The following COL7A1 variants were observed in gnomAD, a reference collection of about 807,000 sequenced individuals.
The protein encoded by COL7A1 is collagen type VII alpha 1 chain.
COL7A1 carries 296 observed loss-of-function variants against 456.2 expected under a neutral mutation model. The ratio of observed to expected loss-of-function variants is 0.65; its 90% confidence interval spans 0.59 to 0.71. The LOEUF (loss-of-function observed/expected upper bound fraction) is 0.71. COL7A1 is among the 30% of genes least tolerant of loss of function. The pLI is 0.00. For missense variants in COL7A1, 3,441 were observed against 4,017.2 expected (o/e 0.86, Z 3.88); for synonymous variants, 1,464 against 1,525.9 (o/e 0.96, Z 0.95).
At position 48,569,473 on chromosome 3, in the gene COL7A1, G is replaced by A. The variant is rs371404677; in HGVS notation, c.7615-27C>T. On this transcript the variant is annotated intron_variant, in intron 102 of 118. Transcript: ENST00000681320. The surrounding 1 kb of genome is among the most constrained non-coding windows in gnomAD (Gnocchi z 4.9). The stretch of plus-strand genomic sequence containing the variant: ...TGGGTTGGTTTGGGTAAGAAGTCAC[G>A]GTAAGGGGCTGAAGGTCCCTCACCC... 8 of 1,614,068 alleles carry A rather than the reference G, an allele frequency of 5.0e-6. No individual in the cohort carries two copies. The highest frequency in any genetic ancestry group is 1.7e-5 in the Admixed American group (1 of 60,024).
Position 48,590,925 on chromosome 3 carries a change from A to C in COL7A1, c.1637-109T>G. The C allele has an allele frequency of 1.8e-6, 1 of 568,348 alleles. No homozygotes were observed. The highest frequency in any genetic ancestry group is 3.3e-6 in the Non-Finnish European group (1 of 305,366). 35.2% of individuals were successfully genotyped at this position (568,348 alleles called of 1,614,324 possible). A position where few individuals can be genotyped will look rare whatever the true frequency, so the allele number is the denominator to read the frequency against. On this transcript the variant is annotated intron_variant, in intron 13 of 118. Transcript: ENST00000681320. The surrounding 1 kb of genome is among the most constrained non-coding windows in gnomAD (Gnocchi z 4.6). ...AGTGAGAAGGGCCATGGGGGTGGGGATGTGGGGTGGTGGGGACCAGAGAGC... is the reference window on the plus strand; with the variant it reads ...AGTGAGAAGGGCCATGGGGGTGGGGCTGTGGGGTGGTGGGGACCAGAGAGC...
rs746489781 is a variant in COL7A1 at position 48,568,559 on chromosome 3, C to T, written c.7759-25G>A. ...CCTGTGAGAAACACAGATGGGGGAG[C>T]CCTTCAGTGGGACTGTCCCCAACAC... On this transcript the variant is annotated intron_variant, in intron 104 of 118. Coordinates refer to ENST00000681320, the MANE Select transcript of COL7A1 (RefSeq NM_000094.4). This position sits in a 1 kb window ranked among gnomAD's most constrained non-coding sequence, Gnocchi z 5.2. 8.7e-6 allele frequency: 14 copies of T among 1,604,274 alleles called. No individual in the cohort carries two copies. The East Asian group carries it at 3.1e-4, about 36-fold the overall frequency.
chr3:48,590,411 T>TA lies in COL7A1; in HGVS notation c.1906+47dup. 2 of 1,614,050 alleles carry TA rather than the reference T, an allele frequency of 1.2e-6. No individual in the cohort carries two copies. Among genetic ancestry groups the TA allele is most frequent in the East Asian group, 4.5e-5 (2 of 44,880 alleles). On this transcript the variant is annotated intron_variant, in intron 15 of 118. Coordinates refer to ENST00000681320, the MANE Select transcript of COL7A1 (RefSeq NM_000094.4). This position sits in a 1 kb window ranked among gnomAD's most constrained non-coding sequence, Gnocchi z 4.6. ...TCCTGCCTGTCCCCTCTGGCACCCA[T>TA]ACCCTCATTGGTCCCTTTGGCAGTC...
chr3:48,578,791 T>C lies in COL7A1; in HGVS notation c.5424+128A>G. The C allele has an allele frequency of 2.0e-6, 2 of 988,228 alleles. No individual in the cohort carries two copies. The highest frequency in any genetic ancestry group is 5.3e-5 in the Admixed American group (2 of 37,474). 61.2% of individuals were successfully genotyped at this position (988,228 alleles called of 1,614,324 possible). A position where few individuals can be genotyped will look rare whatever the true frequency, so the allele number is the denominator to read the frequency against. Reference sequence around the variant, plus strand: ...CTACTAAAACCTGTGTGCCAGGGACTGAGACCCTCCCAAAGGCAAGGCTGA... The same window carrying C: ...CTACTAAAACCTGTGTGCCAGGGACCGAGACCCTCCCAAAGGCAAGGCTGA... On this transcript the variant is annotated intron_variant, in intron 63 of 118. Transcript: ENST00000681320. This position sits in a 1 kb window ranked among gnomAD's most constrained non-coding sequence, Gnocchi z 4.7.
intron 44 of COL7A1, 137 bp downstream of exon 44, chr3:48,582,876 G>C (rs1406374333): frequency 2.2e-6 from 3 of 1,371,952 alleles, no homozygotes; most frequent in African/African-American, 1.4e-5. Context: ...CTGAGGGTTA[G>C]AGCCTGTATC....
Position 48,575,814 on chromosome 3 carries a change from A to G in COL7A1, c.5856+53T>C. On this transcript the variant is annotated intron_variant, in intron 72 of 118. Coordinates refer to ENST00000681320, the MANE Select transcript of COL7A1 (RefSeq NM_000094.4). The surrounding 1 kb of genome is among the most constrained non-coding windows in gnomAD (Gnocchi z 6.3). ...CGCAGCCCCTATGCCTGTGGGCACC[A>G]CTAGCCCCAAGGGCCCCCACTTGTC... 6.2e-7 allele frequency: 1 copy of G among 1,613,744 alleles called. No homozygotes were observed. The highest frequency in any genetic ancestry group is 8.5e-7 in the Non-Finnish European group (1 of 1,179,920).
chr3:48,565,311 G>T lies in COL7A1; in HGVS notation c.8527+99C>A. 1 of 1,500,912 alleles carries T rather than the reference G, an allele frequency of 6.7e-7. No individual in the cohort carries two copies. The highest frequency in any genetic ancestry group is 1.2e-5 in the South Asian group (1 of 85,146). 93.0% of individuals were successfully genotyped at this position (1,500,912 alleles called of 1,614,324 possible). ...CAGTGCCCATGCGTGTGCCCTGCAT[G>T]CAGACCCTACGTGCTTGGCGTGTGC... On this transcript the variant is annotated intron_variant, in intron 116 of 118. Transcript: ENST00000681320. The surrounding 1 kb of genome is among the most constrained non-coding windows in gnomAD (Gnocchi z 4.5).
Position 48,595,316 on chromosome 3 carries a change from A to G in COL7A1, c.-50T>C. 2 of 653,258 alleles carry G rather than the reference A, an allele frequency of 3.1e-6. No homozygotes were observed. Among genetic ancestry groups the G allele is most frequent in the East Asian group, 2.8e-5 (1 of 35,588 alleles). 40.5% of individuals were successfully genotyped at this position (653,258 alleles called of 1,614,324 possible). A position where few individuals can be genotyped will look rare whatever the true frequency, so the allele number is the denominator to read the frequency against. On this transcript the variant is annotated 5_prime_UTR_variant, in exon 1 of 119. Coordinates refer to ENST00000681320, the MANE Select transcript of COL7A1 (RefSeq NM_000094.4). The stretch of plus-strand genomic sequence containing the variant: ...GCCGCCGCTGCAGTCTCTCGGGCAG[A>G]GCAGAGAAAAGTCCCTGATCTCGGG...
chr3:48,571,898 C>T lies in COL7A1; in HGVS notation c.7068+103G>A, dbSNP rs975201987. ...CTCCTGGATGTTGGGACATGCAGCC[C>T]GACTCAGGGGCTCAGACATGTGCCC... On this transcript the variant is annotated intron_variant, in intron 92 of 118. Coordinates refer to ENST00000681320, the MANE Select transcript of COL7A1 (RefSeq NM_000094.4). The surrounding 1 kb of genome is among the most constrained non-coding windows in gnomAD (Gnocchi z 4.6). 1.5e-5 allele frequency: 21 copies of T among 1,410,406 alleles called. No individual in the cohort carries two copies. Among genetic ancestry groups the T allele is most frequent in the South Asian group, 9.9e-5 (8 of 81,020 alleles). 87.4% of individuals were successfully genotyped at this position (1,410,406 alleles called of 1,614,324 possible). A position where few individuals can be genotyped will look rare whatever the true frequency, so the allele number is the denominator to read the frequency against.
Position 48,585,430 on chromosome 3 carries a change from A to T in COL7A1, c.3894+127T>A. ...TCCCCCAAAGTCTCTGTGGTGGTTT[A>T]TAACCTCCAGCTGGGCTTCTAGGAA... On this transcript the variant is annotated intron_variant, in intron 32 of 118. Transcript: ENST00000681320. This position sits in a 1 kb window ranked among gnomAD's most constrained non-coding sequence, Gnocchi z 4.5. 8.7e-7 allele frequency: 1 copy of T among 1,150,336 alleles called. No homozygotes were observed. The highest frequency in any genetic ancestry group is 1.3e-6 in the Non-Finnish European group (1 of 771,688). 71.3% of individuals were successfully genotyped at this position (1,150,336 alleles called of 1,614,324 possible).
rs1257142187 is a variant in COL7A1 at position 48,565,032 on chromosome 3, A to T, written c.8621-52T>A. On this transcript the variant is annotated intron_variant, in intron 117 of 118. Transcript: ENST00000681320. The surrounding 1 kb of genome is among the most constrained non-coding windows in gnomAD (Gnocchi z 4.5). ...GGTTTGTGGGAATCAGAGAGGGTTG[A>T]AAGGTCAGGGGGAGGTCAGCAGGGC... is the stretch of plus-strand genomic sequence containing the variant. 1 of 1,613,340 alleles carries T rather than the reference A, an allele frequency of 6.2e-7. No individual in the cohort carries two copies. Among genetic ancestry groups the T allele is most frequent in the Admixed American group, 1.7e-5 (1 of 60,000 alleles).
In COL7A1 at chr3:48,564,351, T is replaced by C. The variant is rs905750499; in HGVS notation, c.*55A>G. 4 of 1,605,472 alleles carry C rather than the reference T, an allele frequency of 2.5e-6. No homozygotes were observed. The highest frequency in any genetic ancestry group is 1.6e-4 in the Middle Eastern group (1 of 6,062). On this transcript the variant is annotated 3_prime_UTR_variant, in exon 119 of 119. Coordinates refer to ENST00000681320, the MANE Select transcript of COL7A1 (RefSeq NM_000094.4). This position sits in a 1 kb window ranked among gnomAD's most constrained non-coding sequence, Gnocchi z 6.0. ...ACCAAGGGGAGGGACAGTGGGGTTC[T>C]GCTGAGACCCCGACTCCTCCAGGGG...
In COL7A1 at chr3:48,578,199, T is replaced by C; in HGVS notation, c.5532+122A>G. The stretch of plus-strand genomic sequence containing the variant: ...AAAACTATGTTTCTGGATGCATCTG[T>C]ATGTCTGGGCCAGGATGCATGTGTC... On this transcript the variant is annotated intron_variant, in intron 65 of 118. Coordinates refer to ENST00000681320, the MANE Select transcript of COL7A1 (RefSeq NM_000094.4). The surrounding 1 kb of genome is among the most constrained non-coding windows in gnomAD (Gnocchi z 4.7). 1 of 1,129,682 alleles carries C rather than the reference T, an allele frequency of 8.9e-7. No individual in the cohort carries two copies. The highest frequency in any genetic ancestry group is 1.3e-6 in the Non-Finnish European group (1 of 761,836). 70.0% of individuals were successfully genotyped at this position (1,129,682 alleles called of 1,614,324 possible). A position where few individuals can be genotyped will look rare whatever the true frequency, so the allele number is the denominator to read the frequency against.
At chr3:48,577,177 G>C in intron 65 of COL7A1, 150 bp from the exon 66 acceptor site, 1 of 1,093,160 alleles carries the variant, frequency 9.1e-7, no homozygotes, top group East Asian at 2.5e-5. Flanking sequence ...GTGGCCGTCT[G>C]AGTGAGCTGC....
rs1294442227 is a variant in COL7A1 at position 48,568,809 on chromosome 3, C to A, written c.7733G>T (p.Gly2578Val). The A allele has an allele frequency of 6.3e-7, 1 of 1,574,990 alleles. No homozygotes were observed. Among genetic ancestry groups the A allele is most frequent in the South Asian group, 1.2e-5 (1 of 85,944 alleles). The change falls in exon 104 of 119, where the codon GGA (glycine) becomes GTA (valine). Residue 2578 changes from glycine (G) to valine (V), a missense_variant. Transcript: ENST00000681320. This position sits in a 1 kb window ranked among gnomAD's most constrained non-coding sequence, Gnocchi z 5.2. ...CTGGGGTCCCAGGAGTCCACGCAGT[C>A]CTGGCAACCCGGCTGAGCCCTTGTC... ...PGDKGSAGLPGLRGLLGPQGQ... is the reference protein window; with the variant it reads ...PGDKGSAGLPVLRGLLGPQGQ...
chr3:48,565,867 T>C lies in COL7A1; in HGVS notation c.8408-199A>G, dbSNP rs559095140. ...GAGAAGAAGGCAGAGGAGAGGGAAGTTGGGAACAGGCCAACAAAAGGCAAG... is the reference window on the plus strand; with the variant it reads ...GAGAAGAAGGCAGAGGAGAGGGAAGCTGGGAACAGGCCAACAAAAGGCAAG... On this transcript the variant is annotated intron_variant, in intron 114 of 118. Transcript: ENST00000681320. This position sits in a 1 kb window ranked among gnomAD's most constrained non-coding sequence, Gnocchi z 4.5. Among the ~76,000 whole-genome samples the C allele has an allele frequency of 2.7e-5, 4 of 148,478 alleles. No homozygotes were observed. Among genetic ancestry groups the C allele is most frequent in the Non-Finnish European group, 6.0e-5 (4 of 66,816 alleles).
chr3:48,592,237 G>C lies in COL7A1; in HGVS notation c.1105C>G (p.Gln369Glu), dbSNP rs1412657513. The C allele has an allele frequency of 6.2e-7, 1 of 1,613,540 alleles. No individual in the cohort carries two copies. Among genetic ancestry groups the C allele is most frequent in the Non-Finnish European group, 8.5e-7 (1 of 1,179,932 alleles). ...TWRVLSGGPT[Q>E]QQELGPGQGS... ...TGCCCAGGGCCCAGCTCCTGCTGCT[G>C]TGTGGGCCCACCTGCATGGGGGACA... Residue 369 changes from glutamine to glutamate, a missense_variant, in exon 10 of 119, where the codon CAG (glutamine) becomes GAG (glutamate). Coordinates refer to ENST00000681320, the MANE Select transcript of COL7A1 (RefSeq NM_000094.4). The surrounding 1 kb of genome is among the most constrained non-coding windows in gnomAD (Gnocchi z 7.6).
chr3:48,575,612 C>A lies in COL7A1; in HGVS notation c.5979+14G>T. The A allele has an allele frequency of 1.2e-6, 2 of 1,612,978 alleles. No homozygotes were observed. Among genetic ancestry groups the A allele is most frequent in the Non-Finnish European group, 1.7e-6 (2 of 1,180,010 alleles). On this transcript the variant is annotated intron_variant, in intron 73 of 118. Coordinates refer to ENST00000681320, the MANE Select transcript of COL7A1 (RefSeq NM_000094.4). This position sits in a 1 kb window ranked among gnomAD's most constrained non-coding sequence, Gnocchi z 6.3. Reference sequence around the variant, plus strand: ...ACTCCACGGGGCACAACCCACTGAGCCACTTCTGCTCACCTCCTTGCCTGG... The same window carrying A: ...ACTCCACGGGGCACAACCCACTGAGACACTTCTGCTCACCTCCTTGCCTGG...
In COL7A1 at chr3:48,594,633, T is replaced by C; in HGVS notation, c.86-85A>G. 2.7e-6 allele frequency: 4 copies of C among 1,466,330 alleles called. No homozygotes were observed. Among genetic ancestry groups the C allele is most frequent in the Non-Finnish European group, 3.7e-6 (4 of 1,085,540 alleles). The allele number at this position is 1,466,330 out of a possible 1,614,324, so 90.8% of individuals were successfully genotyped here. A position where few individuals can be genotyped will look rare whatever the true frequency, so the allele number is the denominator to read the frequency against. On this transcript the variant is annotated intron_variant, in intron 2 of 118. Transcript: ENST00000681320. This position sits in a 1 kb window ranked among gnomAD's most constrained non-coding sequence, Gnocchi z 5.5. Reference sequence around the variant, plus strand: ...ACGGTGGCCTCACTGGGACTTGGGATGGTGGGGAGAGTAGGCCTCATCTTA... The same window carrying C: ...ACGGTGGCCTCACTGGGACTTGGGACGGTGGGGAGAGTAGGCCTCATCTTA...
Sources: gnomAD v4.1 joint callset for allele counts (sites outside exome capture counted in the v4.1 genomes callset) on GRCh38, gnomAD v4.1.1 for gene constraint, Gnocchi (gnomAD v3.1) non-coding constraint, MANE v1.5 for transcripts, NCBI Gene and HGNC (gene_info 2026-07-23, HGNC 2026-07-21) for gene names.